The following TMPRSS15 variants were observed in gnomAD, a reference collection of about 807,000 sequenced individuals.
TMPRSS15 encodes transmembrane serine protease 15.
In TMPRSS15, 128 loss-of-function variants were observed where a neutral mutation model predicts 125.3. The observed-to-expected ratio is 1.02, with a 90% CI of 0.89 to 1.18. TMPRSS15 has a LOEUF of 1.18. Ranked by LOEUF, TMPRSS15 falls within the 50% of genes most tolerant of loss-of-function variation. TMPRSS15 has a pLI of 0.00. For synonymous variants in TMPRSS15, 446 were observed against 423.2 expected (o/e 1.05, Z -0.66); for missense variants, 1,283 against 1,212.7 (o/e 1.06, Z -0.86).
At chr21:18,400,145 A>T (rs2076081633) in intron 1 of TMPRSS15, among the ~76,000 whole-genome samples, 1 of 152,198 alleles carries the variant, frequency 6.6e-6, no homozygotes, top group African/African-American at 2.4e-5. Context: ...AAATGACCAT[A>T]CTGCCCAAAG....
At position 18,383,513 on chromosome 21, in the gene TMPRSS15, C is replaced by A. The variant is rs1166604930; in HGVS notation, c.496+114G>T. 8 of 1,222,182 alleles carry A rather than the reference C, an allele frequency of 6.5e-6. No homozygotes were observed. The East Asian group carries it at 2.0e-4, about 30-fold the overall frequency. 75.7% of individuals were successfully genotyped at this position (1,222,182 alleles called of 1,614,324 possible). A position where few individuals can be genotyped will look rare whatever the true frequency, so the allele number is the denominator to read the frequency against. ...TCTCATGTAAATGTGTCACCTCAGG[C>A]AATAAGACATGTTCCTAAGGTCAAG... On this transcript the variant is annotated intron_variant, in intron 4 of 24. Transcript: ENST00000284885.
chr21:18,303,399 G>A (rs970850609), intron 18 of TMPRSS15, among the ~76,000 whole-genome samples: 1 of 151,962 alleles, frequency 6.6e-6, no homozygotes, highest in Non-Finnish European at 1.5e-5. Context: ...ATTAAAGGGA[G>A]GGAGGAAAAA....
chr21:18,322,198 C>G (rs561486056), intron 16 of TMPRSS15, among the ~76,000 whole-genome samples: 1 of 152,162 alleles, frequency 6.6e-6, no homozygotes, highest in South Asian at 2.1e-4. Context: ...TTATAAGAAT[C>G]TGAGACAGGA....
intron 23 of TMPRSS15, among the ~76,000 whole-genome samples, chr21:18,276,205 C>A (rs1426921515): frequency 1.3e-5 from 2 of 152,182 alleles, no homozygotes; most frequent in Non-Finnish European, 2.9e-5. Context: ...TGTTCGTGCA[C>A]ACGTGCACGT....
intron 8 of TMPRSS15, among the ~76,000 whole-genome samples, chr21:18,357,952 T>C (rs1423429840): frequency 6.6e-6 from 1 of 151,802 alleles, no homozygotes; most frequent in African/African-American, 2.4e-5. Flanking sequence ...AATATTTAAT[T>C]TTCAAAACTT....
At chr21:18,357,822 C>G (rs1011068564) in intron 8 of TMPRSS15, among the ~76,000 whole-genome samples, 1 of 151,670 alleles carries the variant, frequency 6.6e-6, no homozygotes. Flanking sequence ...CTACAATACA[C>G]CAGACTTTGT....
At chr21:18,351,468 C>CG (rs1311224174) in intron 10 of TMPRSS15, among the ~76,000 whole-genome samples, 1 of 152,078 alleles carries the variant, frequency 6.6e-6, no homozygotes, top group Non-Finnish European at 1.5e-5. Context: ...GATGGGATCA[C>CG]GGGGGCAATT....
At chr21:18,336,213 T>A (rs1569016242) in intron 13 of TMPRSS15, among the ~76,000 whole-genome samples, 1 of 152,168 alleles carries the variant, frequency 6.6e-6, no homozygotes. Flanking sequence ...AAGAGGGTTT[T>A]AATTAAAGAT....
chr21:18,403,758 G>T lies in TMPRSS15; in HGVS notation c.-136C>A. On this transcript the variant is annotated 5_prime_UTR_variant, in exon 1 of 25. Coordinates refer to ENST00000284885, the MANE Select transcript of TMPRSS15 (RefSeq NM_002772.3). ...CCTGTCTACATGCATACCAGTCAGTGTAAGTGAGTTGTGTATGTCTCTTTG... is the reference window on the plus strand; with the variant it reads ...CCTGTCTACATGCATACCAGTCAGTTTAAGTGAGTTGTGTATGTCTCTTTG... The T allele has an allele frequency of 3.7e-6, 4 of 1,085,592 alleles. No homozygotes were observed. The highest frequency in any genetic ancestry group is 4.1e-6 in the Non-Finnish European group (3 of 734,330). 67.2% of individuals were successfully genotyped at this position (1,085,592 alleles called of 1,614,324 possible).
intron 5 of TMPRSS15, among the ~76,000 whole-genome samples, chr21:18,377,116 G>A (rs759706894): frequency 4.6e-5 from 7 of 152,054 alleles, no homozygotes; most frequent in Non-Finnish European, 8.8e-5. Context: ...AAGGATGACT[G>A]GGCATTTATG....
At chr21:18,364,175 AATC>A (rs1285154102) in intron 7 of TMPRSS15, among the ~76,000 whole-genome samples, 5 of 152,094 alleles carry the variant, frequency 3.3e-5, no homozygotes, top group Non-Finnish European at 4.4e-5. Context: ...TCATAAATAT[AATC>A]ATCAATATCA....
intron 1 of TMPRSS15, among the ~76,000 whole-genome samples, chr21:18,411,245 G>A (rs975315835): frequency 6.6e-6 from 1 of 151,964 alleles, no homozygotes; most frequent in African/African-American, 2.4e-5. Context: ...AGGATGGTGT[G>A]TTGTGAAAAA....
chr21:18,272,186 T>C (rs965696140), intron 24 of TMPRSS15, among the ~76,000 whole-genome samples: 12 of 152,318 alleles, frequency 7.9e-5, no homozygotes, highest in South Asian at 2.1e-4. Context: ...CCACCAACAC[T>C]GTAAAAGTGT....
At chr21:18,416,841 T>C (rs779347536) in intron 1 of TMPRSS15, among the ~76,000 whole-genome samples, 1 of 152,046 alleles carries the variant, frequency 6.6e-6, no homozygotes, top group African/African-American at 2.4e-5. Flanking sequence ...TATCTATTGA[T>C]GACACATTTT....
At chr21:18,280,582 A>AAACAAAAAAC (rs1555890663) in intron 22 of TMPRSS15, among the ~76,000 whole-genome samples, 6 of 138,532 alleles carry the variant, frequency 4.3e-5, no homozygotes, top group African/African-American at 2.0e-4. Context: ...TCTCAAAAAA[A>AAACAAAAAAC]AAAAAAAAAA....
intron 1 of TMPRSS15, among the ~76,000 whole-genome samples, chr21:18,435,691 G>C (rs1288057624): frequency 6.6e-6 from 1 of 152,112 alleles, no homozygotes; most frequent in Non-Finnish European, 1.5e-5. Context: ...GATTGGAATA[G>C]TTTCAGAAGG....
intron 13 of TMPRSS15, among the ~76,000 whole-genome samples, chr21:18,332,551 C>G (rs76834604): frequency 0.015 from 2,209 of 152,208 alleles, 58 homozygotes; most frequent in African/African-American, 0.048. Flanking sequence ...AAGGTACCAT[C>G]TGACACCAGT....
chr21:18,272,239 C>CTT (rs900416843), intron 24 of TMPRSS15, among the ~76,000 whole-genome samples: 3 of 152,108 alleles, frequency 2.0e-5, no homozygotes, highest in African/African-American at 7.2e-5. Context: ...TGTTTCTTGA[C>CTT]TTTTTAATAA....
intron 21 of TMPRSS15, among the ~76,000 whole-genome samples, chr21:18,290,133 T>C (rs2074816167): frequency 6.6e-6 from 1 of 152,190 alleles, no homozygotes; most frequent in African/African-American, 2.4e-5. Flanking sequence ...ACAATGTTTT[T>C]TGTTATTGGA....
Sources: allele counts gnomAD v4.1 joint callset (sites outside exome capture counted in the v4.1 genomes callset), GRCh38; gene constraint gnomAD v4.1.1; transcripts MANE v1.5; gene names NCBI Gene and HGNC (gene_info 2026-07-23, HGNC 2026-07-21).